Variants in IL4R observed in about 807,000 individuals in gnomAD.
IL4R encodes interleukin-4 receptor subunit alpha.
IL4R carries 17 observed loss-of-function variants against 41.5 expected under a neutral mutation model. The observed-to-expected ratio is 0.41, with a 90% CI of 0.28 to 0.61. The LOEUF (loss-of-function observed/expected upper bound fraction) is 0.61, where lower values mean the gene tolerates loss of function less well. Among genes scored for constraint, IL4R ranks in the 20% least tolerant of loss-of-function variants. IL4R has a pLI of 0.31. For synonymous variants in IL4R, 402 were observed against 422.9 expected, an observed-to-expected ratio of 0.95 and a Z score of 0.61; for missense variants, 974 against 1,043.1, an observed-to-expected ratio of 0.93 and a Z score of 0.91.
intron 1 of IL4R, among the ~76,000 whole-genome samples, chr16:27,326,152 G>A (rs1025150638): frequency 4.6e-5 from 7 of 151,956 alleles, no homozygotes; most frequent in African/African-American, 9.7e-5. Flanking sequence ...ACTTCTACCC[G>A]TGCCCCCACC....
intron 10 of IL4R, among the ~76,000 whole-genome samples, chr16:27,361,339 C>T (rs1338044476): frequency 6.6e-6 from 1 of 152,068 alleles, no homozygotes; most frequent in Non-Finnish European, 1.5e-5. Flanking sequence ...TCCAGCTACT[C>T]AGGAGGCTGA....
Position 27,363,448 on chromosome 16 carries a change from C to T in IL4R, c.2096C>T (p.Ala699Val). Residue 699 changes from alanine (A) to valine (V), a missense_variant, in exon 11 of 11, where the codon GCC becomes GTC. Physicochemically the swap from Ala to Val is moderately conservative, Grantham distance 64. Coordinates refer to ENST00000395762, the MANE Select transcript of IL4R (RefSeq NM_000418.4). ...MPKPPLPQEQ[A>V]TDPLVDSLGS... ...AAGCCCCCACTTCCCCAGGAGCAGG[C>T]CACAGACCCCCTTGTGGACAGCCTG... The T allele has an allele frequency of 6.2e-7, 1 of 1,614,046 alleles. No individual in the cohort carries two copies. The highest frequency in any genetic ancestry group is 8.5e-7 in the Non-Finnish European group (1 of 1,179,960).
intron 2 of IL4R, among the ~76,000 whole-genome samples, chr16:27,334,981 A>C (rs747521539): frequency 1.3e-5 from 2 of 152,118 alleles, no homozygotes; most frequent in African/African-American, 2.4e-5. Flanking sequence ...TCAGGATGAC[A>C]GACAATTTAA....
intron 9 of IL4R, among the ~76,000 whole-genome samples, chr16:27,359,358 GTCT>G (rs770535000): frequency 2.4e-4 from 36 of 152,164 alleles, no homozygotes; most frequent in African/African-American, 7.2e-4. Context: ...GGCTTTCTGT[GTCT>G]TCTTCTTAAG....
chr16:27,355,547 C>A, intron 7 of IL4R: 1 of 430,584 alleles, frequency 2.3e-6, no homozygotes, highest in Admixed American at 3.9e-5. Context: ...TTCTGTGCTT[C>A]CGGAAAGAAA....
Position 27,363,402 on chromosome 16 carries a change from GA to G in IL4R, c.2054del (p.Lys685ArgfsTer2). 6.2e-7 allele frequency: 1 copy of G among 1,614,150 alleles called. No homozygotes were observed. The highest frequency in any genetic ancestry group is 8.5e-7 in the Non-Finnish European group (1 of 1,180,012). On this transcript the variant is annotated frameshift_variant, in exon 11 of 11. Coordinates refer to ENST00000395762, the MANE Select transcript of IL4R (RefSeq NM_000418.4). LOFTEE classifies it low-confidence loss of function (END_TRUNC). ...SPEHLGLEPG[E>X]KVEDMPKPPL... ...AGAGCACCTGGGTCTGGAGCCGGGG[GA>G]AAAGGTAGAGGACATGCCAAAGCCC... is the stretch of plus-strand genomic sequence containing the variant.
chr16:27,360,292 G>A (rs1567335470), intron 9 of IL4R, among the ~76,000 whole-genome samples: 1 of 152,216 alleles, frequency 6.6e-6, no homozygotes, highest in Non-Finnish European at 1.5e-5. Flanking sequence ...GGGATTACAG[G>A]CGTGAGCCAC....
Position 27,362,239 on chromosome 16 carries a change from T to G in IL4R, c.900-13T>G, listed in dbSNP as rs773438692. 6.8e-6 allele frequency: 11 copies of G among 1,611,286 alleles called. No individual in the cohort carries two copies. The highest frequency in any genetic ancestry group is 6.7e-5 in the Admixed American group (4 of 59,712). Reference sequence around the variant, plus strand: ...TGTCGAAACTGAACCCTGACCAACCTTTGCTTTTGCAGACACTGGAAGAAT... The same window carrying G: ...TGTCGAAACTGAACCCTGACCAACCGTTGCTTTTGCAGACACTGGAAGAAT... On this transcript the variant is annotated splice_polypyrimidine_tract_variant and intron_variant, in intron 10 of 10. Coordinates refer to ENST00000395762, the MANE Select transcript of IL4R (RefSeq NM_000418.4).
chr16:27,342,165 A>G lies in IL4R; in HGVS notation c.115A>G (p.Met39Val), dbSNP rs777645418. ...GGAGCCCACCTGCGTCTCCGACTAC[A>G]TGAGCATCTCTACTTGCGAGTGGAA... Reference protein sequence around the residue: ...LQEPTCVSDYMSISTCEWKMN... With the variant: ...LQEPTCVSDYVSISTCEWKMN... Residue 39 changes from methionine (M) to valine (V), a missense_variant, in exon 4 of 11, where the codon ATG becomes GTG. This residue lies in a region of IL4R where 284 missense variants were observed against 313.4 expected (regional missense o/e 0.91). Transcript: ENST00000395762. 1.9e-6 allele frequency: 3 copies of G among 1,614,220 alleles called. No individual in the cohort carries two copies. The highest frequency in any genetic ancestry group is 1.1e-5 in the South Asian group (1 of 91,086).
chr16:27,334,731 C>T (rs181184890), intron 2 of IL4R, among the ~76,000 whole-genome samples: 4 of 152,218 alleles, frequency 2.6e-5, no homozygotes, highest in Admixed American at 2.6e-4. Context: ...CCCATTCCCG[C>T]CCCTCCTTTA....
intron 6 of IL4R, among the ~76,000 whole-genome samples, chr16:27,348,024 C>T (rs763300194): frequency 6.6e-5 from 10 of 152,202 alleles, no homozygotes; most frequent in African/African-American, 2.2e-4. Flanking sequence ...TTGTGAGGGC[C>T]GGCTCTGTGC....
In IL4R at chr16:27,355,852, G is replaced by A. The variant is rs770513644; in HGVS notation, c.715G>A (p.Val239Ile). ...FEQHLLLGVS[V>I]SCIVILAVCL... is the part of the protein sequence containing the mutation. ...GCAGCACCTCCTGCTGGGCGTCAGCGTTTCCTGCATTGTCATCCTGGCCGT... is the reference window on the plus strand; with the variant it reads ...GCAGCACCTCCTGCTGGGCGTCAGCATTTCCTGCATTGTCATCCTGGCCGT... The change falls in exon 8 of 11, where the codon GTT becomes ATT. Residue 239 changes from valine to isoleucine, a missense_variant. By Grantham distance (29) the Val-to-Ile change is conservative. Transcript: ENST00000395762. The A allele has an allele frequency of 2.7e-5, 44 of 1,613,526 alleles. No homozygotes were observed. The highest frequency in any genetic ancestry group is 6.7e-5 in the African/African-American group (5 of 74,888).
intron 4 of IL4R, among the ~76,000 whole-genome samples, chr16:27,344,277 C>A (rs1299054453): frequency 6.6e-6 from 1 of 150,968 alleles, no homozygotes; most frequent in Non-Finnish European, 1.5e-5. Context: ...TGTACTCTAG[C>A]CTGGGTGACA....
At chr16:27,313,910 G>GAAA (rs1567299032), upstream of IL4R, 2 of 984,498 alleles carry the variant, frequency 2.0e-6, no homozygotes, top group Non-Finnish European at 2.4e-6. Flanking sequence ...GGGCGGGCTG[G>GAAA]GTCTCCGCGC....
chr16:27,316,426 C>G (rs1270047960), intron 1 of IL4R, among the ~76,000 whole-genome samples: 1 of 152,204 alleles, frequency 6.6e-6, no homozygotes, highest in Non-Finnish European at 1.5e-5. Flanking sequence ...CCTCCCCCAT[C>G]TCCCTGCCCT....
chr16:27,344,797 A>C, intron 4 of IL4R, 72 bp from the exon 5 acceptor site: 11 of 1,457,724 alleles, frequency 7.5e-6, no homozygotes, highest in African/African-American at 1.4e-5. Context: ...TCCTGGAGGC[A>C]TGTCCCGGAC....
At position 27,352,534 on chromosome 16, in the gene IL4R, T is replaced by C; in HGVS notation, c.514-6T>C. 3 of 1,613,622 alleles carry C rather than the reference T, an allele frequency of 1.9e-6. No individual in the cohort carries two copies. The highest frequency in any genetic ancestry group is 2.5e-6 in the Non-Finnish European group (3 of 1,179,664). On this transcript the variant is annotated splice_polypyrimidine_tract_variant and splice_region_variant and intron_variant, in intron 6 of 10. Coordinates refer to ENST00000395762, the MANE Select transcript of IL4R (RefSeq NM_000418.4). ...GGTGCCCTAACATCTCCCTTTTCTC[T>C]ACCAGTTCAGAATCTATAACGTGAC...
At chr16:27,328,141 AG>A (rs1049778958) in intron 1 of IL4R, among the ~76,000 whole-genome samples, 14 of 136,708 alleles carry the variant, frequency 1.0e-4, no homozygotes, top group Non-Finnish European at 1.8e-4. Context: ...ACCCACGCGG[AG>A]GTTGCAGTGA....
rs1050325058 is a variant in IL4R, at chr16:27,317,045, AGGTGTGTGCCACCACG to A, written c.-152+3027_-152+3042del. Among the ~76,000 whole-genome samples, 6 of 152,234 alleles carry A rather than the reference AGGTGTGTGCCACCACG, an allele frequency of 3.9e-5. 1 individual carries two copies. Among genetic ancestry groups the A allele is most frequent in the Admixed American group, 2.0e-4 (3 of 15,282 alleles). On this transcript the variant is annotated intron_variant, in intron 1 of 10. Transcript: ENST00000395762. ...CAGCCTCCTGAGTAGCTGGGACTAC[AGGTGTGTGCCACCACG>A]GCTGGCTAATTGTTTTTATATTTTT...
Sources: allele counts gnomAD v4.1 joint callset (sites outside exome capture counted in the v4.1 genomes callset), GRCh38; gene constraint gnomAD v4.1.1; regional missense constraint gnomAD v4.1.1; transcripts MANE v1.5; gene names NCBI Gene and HGNC (gene_info 2026-07-23, HGNC 2026-07-21).